Variants in CNTN3 observed in about 807,000 individuals in gnomAD.
CNTN3 encodes the protein contactin-3.
In CNTN3, 60 loss-of-function variants were observed where a neutral mutation model predicts 119.1. That is an observed-to-expected ratio of 0.50 (90% CI 0.41 to 0.62). CNTN3 has a LOEUF of 0.62. CNTN3 is among the 20% of genes least tolerant of loss of function. The pLI, the probability that CNTN3 is intolerant of heterozygous loss-of-function variation, is 0.00. For synonymous variants in CNTN3, 450 were observed against 438.7 expected, an observed-to-expected ratio of 1.03 and a Z score of -0.32; for missense variants, 1,101 against 1,242.4, an observed-to-expected ratio of 0.89 and a Z score of 1.71.
Position 74,424,938 on chromosome 3 carries a change from G to T in CNTN3, c.361C>A (p.Leu121Ile). The stretch of plus-strand genomic sequence containing the variant: ...CTCATTTTGGTTTTAAAATTTTCAA[G>T]ATCTGATTTGAAAACAAAACAAAAC... The part of the protein sequence containing the change: ...SREAKLQFAY[L>I]ENFKTKMRST... The change falls in exon 5 of 23, where the codon CTT becomes ATT. Residue 121 changes from leucine to isoleucine, a missense_variant and splice_region_variant. Leu to Ile is a conservative substitution (Grantham distance 5, BLOSUM62 2). Transcript: ENST00000263665. 6.3e-7 allele frequency: 1 copy of T among 1,585,686 alleles called. No homozygotes were observed. The highest frequency in any genetic ancestry group is 8.6e-7 in the Non-Finnish European group (1 of 1,165,496).
chr3:74,580,766 C>T (rs1199495999), intron 1 of CNTN3, among the ~76,000 whole-genome samples: 1 of 152,160 alleles, frequency 6.6e-6, no homozygotes, highest in Non-Finnish European at 1.5e-5. Flanking sequence ...TAACATCATA[C>T]TAGTGGTGCC....
intron 1 of CNTN3, among the ~76,000 whole-genome samples, chr3:74,594,759 G>A (rs1174421881): frequency 3.3e-5 from 5 of 151,988 alleles, no homozygotes; most frequent in African/African-American, 7.2e-5. Context: ...ATAAACATAC[G>A]TGTGCATGTG....
In CNTN3 at chr3:74,434,464, T is replaced by A. The variant is rs116031050; in HGVS notation, c.359-9524A>T. 7.1e-3 allele frequency among the ~76,000 whole-genome samples: 1,089 copies of A among 152,322 alleles called. 12 individuals are homozygous for A. The highest frequency in any genetic ancestry group is 0.025 in the African/African-American group (1,022 of 41,584). On this transcript the variant is annotated intron_variant, in intron 4 of 22. Transcript: ENST00000263665. ...TAAAACACATCTTCCAATGATCTCATGCCCAACTTTTCTGAACACTCGCTC... is the reference window on the plus strand; with the variant it reads ...TAAAACACATCTTCCAATGATCTCAAGCCCAACTTTTCTGAACACTCGCTC...
chr3:74,488,444 C>G (rs184100635), intron 3 of CNTN3, among the ~76,000 whole-genome samples: 1 of 152,158 alleles, frequency 6.6e-6, no homozygotes, highest in Non-Finnish European at 1.5e-5. Flanking sequence ...TTTTAAAGCT[C>G]TCATGGAGAG....
At chr3:74,498,785 G>A (rs1234437871) in intron 3 of CNTN3, among the ~76,000 whole-genome samples, 1 of 151,784 alleles carries the variant, frequency 6.6e-6, no homozygotes, top group East Asian at 1.9e-4. Context: ...AAAACTAATA[G>A]TGTGAATGGG....
intron 20 of CNTN3, among the ~76,000 whole-genome samples, chr3:74,272,232 T>A (rs767715978): frequency 6.6e-6 from 1 of 152,086 alleles, no homozygotes; most frequent in African/African-American, 2.4e-5. Context: ...GTTTATGAAT[T>A]TGTGTTGGGC....
At chr3:74,342,953 A>G (rs1235152515) in intron 11 of CNTN3, among the ~76,000 whole-genome samples, 2 of 152,210 alleles carry the variant, frequency 1.3e-5, no homozygotes, top group South Asian at 2.1e-4. Flanking sequence ...ACAAAGGAAA[A>G]CAGACAAATG....
intron 1 of CNTN3, among the ~76,000 whole-genome samples, chr3:74,606,973 G>A (rs1418457145): frequency 6.6e-6 from 1 of 152,070 alleles, no homozygotes. Context: ...AAAAATTTAT[G>A]TACTCCAATG....
chr3:74,555,230 T>C (rs1704051554), intron 1 of CNTN3, among the ~76,000 whole-genome samples: 1 of 152,248 alleles, frequency 6.6e-6, no homozygotes, highest in Non-Finnish European at 1.5e-5. Flanking sequence ...GATTTGTGTA[T>C]GTTGAACCAG....
intron 3 of CNTN3, among the ~76,000 whole-genome samples, chr3:74,488,356 G>A (rs182628277): frequency 4.6e-5 from 7 of 152,112 alleles, no homozygotes; most frequent in African/African-American, 7.2e-5. Context: ...CTCGTGATCC[G>A]CCCAGCTCGG....
intron 11 of CNTN3, among the ~76,000 whole-genome samples, chr3:74,342,771 A>G (rs1311826891): frequency 1.3e-5 from 2 of 152,244 alleles, no homozygotes; most frequent in African/African-American, 2.4e-5. Flanking sequence ...ACTCAAATCA[A>G]TAGAAGAAAA....
At chr3:74,385,046 C>T (rs935481667) in intron 5 of CNTN3, among the ~76,000 whole-genome samples, 1 of 152,188 alleles carries the variant, frequency 6.6e-6, no homozygotes, top group Admixed American at 6.5e-5. Flanking sequence ...TTAGATCAAG[C>T]AACCTCATAG....
intron 4 of CNTN3, among the ~76,000 whole-genome samples, chr3:74,461,751 G>T (rs1702372012): frequency 6.6e-6 from 1 of 152,106 alleles, no homozygotes; most frequent in Admixed American, 6.6e-5. Context: ...GAACTGGAAT[G>T]ATAGACACTA....
At chr3:74,571,911 C>T (rs551592468) in intron 1 of CNTN3, among the ~76,000 whole-genome samples, 1 of 152,252 alleles carries the variant, frequency 6.6e-6, no homozygotes, top group Non-Finnish European at 1.5e-5. Context: ...CAGCTATTCT[C>T]ACCTACCAGT....
intron 18 of CNTN3, among the ~76,000 whole-genome samples, chr3:74,297,390 A>C (rs1045003521): frequency 7.9e-5 from 12 of 151,818 alleles, no homozygotes; most frequent in Non-Finnish European, 1.2e-4. Context: ...AGAAGAAAAA[A>C]AAAACAAAAC....
chr3:74,314,084 C>G (rs546436991), intron 13 of CNTN3, among the ~76,000 whole-genome samples: 15 of 152,300 alleles, frequency 9.8e-5, no homozygotes, highest in Non-Finnish European at 1.6e-4. Flanking sequence ...AAAGTCTCCA[C>G]CTTCTAAGAC....
chr3:74,364,276 C>T (rs1290532338), intron 10 of CNTN3, among the ~76,000 whole-genome samples, 191 bp downstream of exon 10: 1 of 152,070 alleles, frequency 6.6e-6, no homozygotes, highest in African/African-American at 2.4e-5. Flanking sequence ...TCAATTCTGG[C>T]CATAATTGCT....
intron 1 of CNTN3, among the ~76,000 whole-genome samples, chr3:74,598,770 T>C (rs1489916689): frequency 1.3e-5 from 2 of 152,072 alleles, no homozygotes; most frequent in Non-Finnish European, 2.9e-5. Context: ...TGAGCTTAAA[T>C]ATGATTAGTT....
At chr3:74,380,830 C>A (rs775097033) in intron 5 of CNTN3, among the ~76,000 whole-genome samples, 15 of 152,180 alleles carry the variant, frequency 9.9e-5, no homozygotes, top group Non-Finnish European at 2.1e-4. Context: ...CATTACATCT[C>A]ATTTTCTTTT....
Sources: allele counts gnomAD v4.1 joint callset (sites outside exome capture counted in the v4.1 genomes callset), GRCh38; gene constraint gnomAD v4.1.1; transcripts MANE v1.5; gene names NCBI Gene and HGNC (gene_info 2026-07-23, HGNC 2026-07-21).